RNF38: variants seen among roughly 807,000 people sequenced by gnomAD.
RNF38 encodes the protein ring finger protein 38, also known as E3 ubiquitin-protein ligase RNF38.
Under a neutral mutation model 67.2 loss-of-function variants are expected in RNF38, and 15 were observed. The observed-to-expected ratio is 0.22, with a 90% CI of 0.15 to 0.34. The LOEUF (loss-of-function observed/expected upper bound fraction) is 0.34. Ranked by LOEUF, RNF38 falls within the 10% of genes least tolerant of loss-of-function variation. The pLI is 1.00. For synonymous variants in RNF38, 220 were observed against 218.8 expected, an observed-to-expected ratio of 1.01 and a Z score of -0.05; for missense variants, 524 against 639.9, an observed-to-expected ratio of 0.82 and a Z score of 1.95.
intron 1 of RNF38, among the ~76,000 whole-genome samples, chr9:36,426,911 G>C (rs553243647): frequency 6.6e-6 from 1 of 152,322 alleles, no homozygotes; most frequent in Non-Finnish European, 1.5e-5. Context: ...TGTTCTGAGA[G>C]ATATTAAAGT....
At chr9:36,397,507 G>A (rs975901477) in intron 1 of RNF38, among the ~76,000 whole-genome samples, 18 of 152,076 alleles carry the variant, frequency 1.2e-4, no homozygotes, top group African/African-American at 3.6e-4. Flanking sequence ...GCCCAGCACC[G>A]GACAATCATT....
chr9:36,487,528 G>GGCA (rs1233299282), exon 1 of RNF38: 8 of 980,862 alleles, frequency 8.2e-6, no homozygotes, highest in Non-Finnish European at 9.7e-6. Flanking sequence ...AGGCGGCGGC[G>GGCA]GCAGCGACCG....
chr9:36,386,776 T>C (rs1836670493), intron 2 of RNF38, among the ~76,000 whole-genome samples: 1 of 152,198 alleles, frequency 6.6e-6, no homozygotes, highest in Non-Finnish European at 1.5e-5. Flanking sequence ...ACAAATGTCA[T>C]GGCAATGTCA....
In RNF38 at chr9:36,376,084, G is replaced by A; in HGVS notation, c.206C>T (p.Ser69Leu). 6.2e-7 allele frequency: 1 copy of A among 1,609,814 alleles called. No homozygotes were observed. Among genetic ancestry groups the A allele is most frequent in the Non-Finnish European group, 8.5e-7 (1 of 1,178,700 alleles). ...PSPKRQRLSH[S>L]VFDYTSASPA... ...TGATGCTGATGTATAATCAAAGACT[G>A]AATGAGAGAGGCGCTGTCTCTTAGG... Residue 69 changes from serine to leucine, a missense_variant, in exon 3 of 12, where the codon TCA becomes TTA. Physicochemically the swap from Ser to Leu is moderately radical, Grantham distance 145. Transcript: ENST00000259605.
intron 6 of RNF38, among the ~76,000 whole-genome samples, chr9:36,354,615 TATGA>T (rs766161056): frequency 2.0e-5 from 3 of 152,228 alleles, no homozygotes; most frequent in Non-Finnish European, 1.5e-5. Context: ...CACTCCTTTT[TATGA>T]GTGAGTATTA....
At chr9:36,487,190 AC>A (rs1385831794) in intron 1 of RNF38, 1 of 645,228 alleles carries the variant, frequency 1.5e-6, no homozygotes, top group Non-Finnish European at 1.9e-6. Context: ...GACAAAGCTG[AC>A]CCGGACAACG....
intron 4 of RNF38, among the ~76,000 whole-genome samples, chr9:36,369,388 T>C (rs1172953115): frequency 1.3e-5 from 2 of 152,144 alleles, no homozygotes; most frequent in African/African-American, 2.4e-5. Flanking sequence ...ATCCAGCTAA[T>C]TTTCGTACTT....
intron 1 of RNF38, among the ~76,000 whole-genome samples, chr9:36,474,259 G>C (rs1336725988): frequency 1.3e-5 from 2 of 148,986 alleles, no homozygotes; most frequent in Non-Finnish European, 3.0e-5. Context: ...CTTGCAGTGA[G>C]CCAAGATCAC....
intron 1 of RNF38, among the ~76,000 whole-genome samples, chr9:36,473,990 A>G (rs1327570770): frequency 2.3e-5 from 3 of 132,116 alleles, no homozygotes; most frequent in Non-Finnish European, 5.1e-5. Context: ...CATCTCGGGA[A>G]AAAAAAAAAA....
At chr9:36,400,745 C>T (rs1587619349), upstream of RNF38, 1 of 985,664 alleles carries the variant, frequency 1.0e-6, no homozygotes, top group Non-Finnish European at 1.2e-6. Context: ...CACCATCACA[C>T]GGGCCGCGCC....
At chr9:36,400,535 C>A (rs1242077882), upstream of RNF38, 2 of 990,328 alleles carry the variant, frequency 2.0e-6, no homozygotes, top group Non-Finnish European at 2.4e-6. Flanking sequence ...CTGCAGCCAA[C>A]GGCCGCGGCG....
intron 1 of RNF38, among the ~76,000 whole-genome samples, chr9:36,485,262 T>G (rs1424710209): frequency 1.3e-5 from 2 of 150,660 alleles, no homozygotes; most frequent in African/African-American, 5.0e-5. Flanking sequence ...TGTATTTTTT[T>G]CATACTTATT....
intron 1 of RNF38, among the ~76,000 whole-genome samples, chr9:36,473,563 G>C (rs1390324097): frequency 1.3e-5 from 2 of 151,868 alleles, no homozygotes; most frequent in Non-Finnish European, 2.9e-5. Context: ...ACACCAGCTC[G>C]GGCAACAAGA....
intron 1 of RNF38, among the ~76,000 whole-genome samples, chr9:36,465,034 G>A (rs2134389899): frequency 6.6e-6 from 1 of 152,316 alleles, no homozygotes; most frequent in East Asian, 1.9e-4. Context: ...TGGGGGGAAT[G>A]CAAATCAAAA....
chr9:36,376,335 G>C (rs3808863), intron 2 of RNF38, among the ~76,000 whole-genome samples: 98,999 of 152,088 alleles, frequency 0.65, 32,287 homozygotes, highest in South Asian at 0.67. Context: ...TAAATGATAC[G>C]AAGTGAAAAA....
At chr9:36,434,501 T>C (rs565061107) in intron 1 of RNF38, among the ~76,000 whole-genome samples, 2 of 152,284 alleles carry the variant, frequency 1.3e-5, no homozygotes, top group Non-Finnish European at 2.9e-5. Flanking sequence ...TTCTCCTGCC[T>C]TAACCTCCCA....
intron 1 of RNF38, among the ~76,000 whole-genome samples, chr9:36,392,515 G>A (rs982781404): frequency 2.0e-5 from 3 of 152,122 alleles, no homozygotes; most frequent in Non-Finnish European, 4.4e-5. Flanking sequence ...GGTGAGAGAA[G>A]AGCTTGAGTA....
intron 9 of RNF38, among the ~76,000 whole-genome samples, chr9:36,350,731 A>T (rs1243618957): frequency 6.6e-6 from 1 of 152,244 alleles, no homozygotes; most frequent in Non-Finnish European, 1.5e-5. Flanking sequence ...GCTATGTGGT[A>T]TTACATATTC....
intron 9 of RNF38, among the ~76,000 whole-genome samples, chr9:36,349,550 A>G (rs1342257728): frequency 6.6e-6 from 1 of 152,010 alleles, no homozygotes; most frequent in Non-Finnish European, 1.5e-5. Context: ...GATGTTTTTC[A>G]TATTTTCTCC....
Sources: allele counts gnomAD v4.1 joint callset (sites outside exome capture counted in the v4.1 genomes callset), GRCh38; gene constraint gnomAD v4.1.1; transcripts MANE v1.5; gene names NCBI Gene and HGNC (gene_info 2026-07-23, HGNC 2026-07-21).